LOC400499: variants seen among roughly 807,000 people sequenced by gnomAD.
the LOC400499 span, among the ~76,000 whole-genome samples, chr16:11,406,700 G>A: frequency 1.3e-5 from 2 of 152,188 alleles, no homozygotes; most frequent in Non-Finnish European, 2.9e-5. Flanking sequence ...CCAAAGTGCT[G>A]GGATTACAGG....
At chr16:11,373,480 C>A in the LOC400499 span, among the ~76,000 whole-genome samples, 3 of 152,102 alleles carry the variant, frequency 2.0e-5, no homozygotes, top group African/African-American at 7.2e-5. Flanking sequence ...ATTACATGCG[C>A]CTGCCACCAC....
the LOC400499 span, among the ~76,000 whole-genome samples, chr16:11,503,242 G>A: frequency 1.3e-5 from 2 of 151,972 alleles, no homozygotes; most frequent in Non-Finnish European, 2.9e-5. Context: ...TAAAAAAATT[G>A]TTTTATACAA....
chr16:11,423,986 A>G, the LOC400499 span: 85 of 398,164 alleles, frequency 2.1e-4, 1 homozygote, highest in African/African-American at 1.4e-3. Context: ...CTCGCCATCC[A>G]AGATCACCGT....
chr16:11,378,165 G>T, the LOC400499 span, among the ~76,000 whole-genome samples: 2 of 151,876 alleles, frequency 1.3e-5, no homozygotes, highest in Admixed American at 1.3e-4. Context: ...TCAAACTCCT[G>T]GGCTCAAGCA....
At chr16:11,459,487 C>A in the LOC400499 span, among the ~76,000 whole-genome samples, 1 of 152,126 alleles carries the variant, frequency 6.6e-6, no homozygotes. Flanking sequence ...TGAGCCACTG[C>A]GCCCGGCCCC....
chr16:11,476,623 T>C, the LOC400499 span: 2 of 394,800 alleles, frequency 5.1e-6, no homozygotes, highest in East Asian at 7.2e-5. Flanking sequence ...TAATGTCACA[T>C]CCACACCCAT....
At chr16:11,452,165 C>T in the LOC400499 span, among the ~76,000 whole-genome samples, 1 of 150,966 alleles carries the variant, frequency 6.6e-6, no homozygotes, top group Admixed American at 6.6e-5. Context: ...CAAACTCAGG[C>T]CCTCCAGAAC....
the LOC400499 span, among the ~76,000 whole-genome samples, chr16:11,502,937 T>TTTTTTTAA: frequency 8.2e-5 from 12 of 146,240 alleles, no homozygotes; most frequent in South Asian, 2.2e-4. Context: ...TTTTTTTTTT[T>TTTTTTTAA]AAGAGACAGG....
chr16:11,501,965 C>A, the LOC400499 span: 2 of 395,720 alleles, frequency 5.1e-6, no homozygotes, highest in Non-Finnish European at 8.9e-6. Flanking sequence ...GACGGGATGA[C>A]GCATCAGCAT....
the LOC400499 span, among the ~76,000 whole-genome samples, chr16:11,382,196 C>G: frequency 6.6e-6 from 1 of 152,198 alleles, no homozygotes; most frequent in Non-Finnish European, 1.5e-5. Context: ...TCTTGGCCTC[C>G]CAAAGTGCTG....
the LOC400499 span, among the ~76,000 whole-genome samples, chr16:11,397,738 G>C: frequency 3.4e-5 from 3 of 89,232 alleles, no homozygotes; most frequent in African/African-American, 1.1e-4. Flanking sequence ...TGAGTCCTTG[G>C]GATGGAGGGA....
chr16:11,485,377 G>A, the LOC400499 span, among the ~76,000 whole-genome samples: 88 of 152,208 alleles, frequency 5.8e-4, no homozygotes, highest in African/African-American at 2.0e-3. Flanking sequence ...CACCTCCTCT[G>A]CCCCACACAC....
chr16:11,388,385 T>G, the LOC400499 span, among the ~76,000 whole-genome samples: 1 of 152,144 alleles, frequency 6.6e-6, no homozygotes, highest in East Asian at 1.9e-4. Context: ...TGATGTGGGT[T>G]TAGTCCCTAT....
At chr16:11,376,358 T>C in the LOC400499 span, among the ~76,000 whole-genome samples, 1 of 119,948 alleles carries the variant, frequency 8.3e-6, no homozygotes. Context: ...GTTTTCTTTT[T>C]TTTTTTTCCC....
chr16:11,499,980 T>G, the LOC400499 span, among the ~76,000 whole-genome samples: 2 of 152,158 alleles, frequency 1.3e-5, no homozygotes, highest in Admixed American at 1.3e-4. Context: ...ACCTACTTCA[T>G]AGAGACACCT....
the LOC400499 span, among the ~76,000 whole-genome samples, chr16:11,464,275 CCCAG>C: frequency 6.6e-6 from 1 of 152,244 alleles, no homozygotes; most frequent in Admixed American, 6.5e-5. Flanking sequence ...CCACTCTGCT[CCCAG>C]CTTTTCCTGC....
At chr16:11,385,448 C>T in the LOC400499 span, 628,454 of 1,226,204 alleles carry the variant, frequency 0.51, 166,025 homozygotes, top group Non-Finnish European at 0.55. Flanking sequence ...GCAGGGTGAG[C>T]GGGGCCAGCT....
At chr16:11,475,786 C>G in the LOC400499 span, 1 of 396,620 alleles carries the variant, frequency 2.5e-6, no homozygotes, top group African/African-American at 2.1e-5. Context: ...ACACCTTGAG[C>G]TGCCAGAGCT....
the LOC400499 span, chr16:11,523,387 G>C: frequency 5.0e-6 from 2 of 398,732 alleles, no homozygotes; most frequent in African/African-American, 2.1e-5. Context: ...GGTCACCAGA[G>C]GTGTGATCAG....
Sources: allele counts gnomAD v4.1 joint callset (sites outside exome capture counted in the v4.1 genomes callset), GRCh38; gene constraint gnomAD v4.1.1; transcripts MANE v1.5.